CDH13: variants seen among roughly 807,000 people sequenced by gnomAD.
CDH13 encodes cadherin 13, also known as cadherin-13.
CDH13 carries 24 observed loss-of-function variants against 63.8 expected under a neutral mutation model. The ratio of observed to expected loss-of-function variants is 0.38; its 90% CI spans 0.27 to 0.53. The LOEUF (loss-of-function observed/expected upper bound fraction) is 0.53, where lower values mean the gene tolerates loss of function less well. CDH13 is among the 20% of genes least tolerant of loss of function. The pLI is 0.85. For missense variants in CDH13, 1,049 were observed against 903.1 expected (o/e 1.16, Z -2.07); for synonymous variants, 503 against 355.3 (o/e 1.42, Z -4.67).
chr16:82,819,949 G>C (rs887126999), intron 1 of CDH13, among the ~76,000 whole-genome samples: 6 of 152,160 alleles, frequency 3.9e-5, no homozygotes, highest in African/African-American at 1.4e-4. Flanking sequence ...CCTAGGTGGA[G>C]CAACTGGCTA....
intron 8 of CDH13, among the ~76,000 whole-genome samples, chr16:83,666,103 A>G (rs1322459014): frequency 1.3e-5 from 2 of 152,292 alleles, no homozygotes; most frequent in African/African-American, 2.4e-5. Context: ...AACTTTATCT[A>G]TTTTTTCCAA....
chr16:82,682,980 T>A (rs1914704297), intron 1 of CDH13, among the ~76,000 whole-genome samples: 1 of 152,196 alleles, frequency 6.6e-6, no homozygotes, highest in Non-Finnish European at 1.5e-5. Context: ...GAAGCAGCTC[T>A]GAATTAGACC....
intron 1 of CDH13, among the ~76,000 whole-genome samples, chr16:82,730,732 A>G (rs748903217): frequency 5.9e-5 from 9 of 152,222 alleles, no homozygotes; most frequent in Admixed American, 1.3e-4. Context: ...TATCTGCAAA[A>G]TGAAATAAAG....
At chr16:83,000,182 T>C (rs906548977) in intron 2 of CDH13, among the ~76,000 whole-genome samples, 1 of 150,602 alleles carries the variant, frequency 6.6e-6, no homozygotes, top group South Asian at 2.1e-4. Context: ...GGCAATTCTA[T>C]GTAAATGCCT....
chr16:83,060,814 C>T (rs28684728), intron 3 of CDH13, among the ~76,000 whole-genome samples: 3,680 of 152,300 alleles, frequency 0.024, 145 homozygotes, highest in African/African-American at 0.082. Flanking sequence ...TGAACCCTTG[C>T]TTTCAGCTGG....
intron 6 of CDH13, among the ~76,000 whole-genome samples, chr16:83,393,741 C>T (rs2091832005): frequency 6.6e-6 from 1 of 152,192 alleles, no homozygotes; most frequent in South Asian, 2.1e-4. Context: ...GCTCAGCCCA[C>T]AATGTATGCA....
intron 6 of CDH13, among the ~76,000 whole-genome samples, chr16:83,469,156 G>C (rs2073392712): frequency 6.6e-6 from 1 of 152,194 alleles, no homozygotes; most frequent in South Asian, 2.1e-4. Flanking sequence ...GTGGAAGATA[G>C]CAGTTCAAGT....
At chr16:83,365,295 G>A (rs2091237278) in intron 6 of CDH13, among the ~76,000 whole-genome samples, 1 of 152,192 alleles carries the variant, frequency 6.6e-6, no homozygotes, top group Non-Finnish European at 1.5e-5. Context: ...GTTCAAGACA[G>A]GCCTCTGACT....
chr16:83,074,773 G>C (rs753165570), intron 3 of CDH13, among the ~76,000 whole-genome samples: 1 of 152,176 alleles, frequency 6.6e-6, no homozygotes, highest in Admixed American at 6.5e-5. Flanking sequence ...TTGCAGAAAA[G>C]GAAGCTAAAG....
chr16:83,407,946 T>C (rs2092071790), intron 6 of CDH13, among the ~76,000 whole-genome samples: 1 of 152,198 alleles, frequency 6.6e-6, no homozygotes, highest in Admixed American at 6.5e-5. Flanking sequence ...GTTCTCATTT[T>C]CCTAAGCCCT....
At chr16:83,216,408 A>ATG (rs66685513) in intron 4 of CDH13, among the ~76,000 whole-genome samples, 9,173 of 75,978 alleles carry the variant, frequency 0.12, 1,482 homozygotes, top group African/African-American at 0.21. Context: ...ATATATATAT[A>ATG]TATATATATA....
In CDH13 at chr16:83,521,414, C is replaced by T. The variant is rs574245684; in HGVS notation, c.960+34759C>T. Among the ~76,000 whole-genome samples, 36 of 152,018 alleles carry T rather than the reference C, an allele frequency of 2.4e-4. No individual in the cohort carries two copies. In the South Asian group the frequency reaches 4.2e-3, roughly 18 times the overall value. ...TATTTTTATGCTAATAGAGTAGTAGCGGCCAGGTGACCTTTAGCAGGTTCC... is the reference window on the plus strand; with the variant it reads ...TATTTTTATGCTAATAGAGTAGTAGTGGCCAGGTGACCTTTAGCAGGTTCC... On this transcript the variant is annotated intron_variant, in intron 7 of 13. Transcript: ENST00000567109.
intron 2 of CDH13, among the ~76,000 whole-genome samples, chr16:82,925,289 G>T (rs1219062035): frequency 6.6e-6 from 1 of 152,160 alleles, no homozygotes; most frequent in African/African-American, 2.4e-5. Flanking sequence ...ACCCCTAGCT[G>T]GTGTTTAAAG....
intron 3 of CDH13, among the ~76,000 whole-genome samples, chr16:83,081,899 C>G (rs2033280532): frequency 1.3e-5 from 2 of 152,120 alleles, no homozygotes; most frequent in South Asian, 2.1e-4. Context: ...CTCCCAGGTT[C>G]AAGCAATCCT....
intron 5 of CDH13, among the ~76,000 whole-genome samples, chr16:83,273,665 C>T (rs1015193863): frequency 8.5e-5 from 13 of 152,166 alleles, no homozygotes; most frequent in African/African-American, 2.9e-4. Flanking sequence ...CAAAGGGGTA[C>T]ATAAAAGTGA....
intron 6 of CDH13, among the ~76,000 whole-genome samples, chr16:83,472,451 G>A (rs1457141873): frequency 9.2e-5 from 14 of 152,218 alleles, no homozygotes; most frequent in Admixed American, 9.2e-4. Context: ...GAGCCATGAT[G>A]ACTCTGGAGC....
At chr16:82,837,880 T>A (rs1276897778) in intron 1 of CDH13, among the ~76,000 whole-genome samples, 1 of 152,222 alleles carries the variant, frequency 6.6e-6, no homozygotes, top group Non-Finnish European at 1.5e-5. Flanking sequence ...ATGGGAATAC[T>A]CTCCAAACCC....
intron 6 of CDH13, among the ~76,000 whole-genome samples, chr16:83,387,680 G>A (rs1284605465): frequency 6.6e-6 from 1 of 152,232 alleles, no homozygotes; most frequent in Non-Finnish European, 1.5e-5. Flanking sequence ...CTCAGGGCAA[G>A]TCTTGGACAT....
intron 6 of CDH13, among the ~76,000 whole-genome samples, chr16:83,450,873 G>C (rs543805191): frequency 1.3e-5 from 2 of 151,682 alleles, no homozygotes; most frequent in Non-Finnish European, 2.9e-5. Flanking sequence ...CTGTCTCACA[G>C]AGAAAAAAAA....
Sources: gnomAD v4.1 joint callset for allele counts (sites outside exome capture counted in the v4.1 genomes callset) on GRCh38, gnomAD v4.1.1 for gene constraint, MANE v1.5 for transcripts, NCBI Gene and HGNC (gene_info 2026-07-23, HGNC 2026-07-21) for gene names.